Variants in MMP28 observed in about 807,000 individuals in gnomAD.
MMP28 encodes the protein matrix metalloproteinase-28.
Under a neutral mutation model 60.5 loss-of-function variants are expected in MMP28, and 55 were observed. The ratio of observed to expected loss-of-function variants is 0.91; its 90% CI spans 0.73 to 1.14. The LOEUF is 1.14. Among genes scored for constraint, MMP28 ranks in the 50% most tolerant of loss-of-function variants. The pLI is 0.00. For missense variants in MMP28, 686 were observed against 738.3 expected, an observed-to-expected ratio of 0.93 and a Z score of 0.82; for synonymous variants, 318 against 312.5, an observed-to-expected ratio of 1.02 and a Z score of -0.18.
At chr17:35,784,970 G>C (rs923977029) in intron 1 of MMP28, among the ~76,000 whole-genome samples, 2 of 152,200 alleles carry the variant, frequency 1.3e-5, no homozygotes, top group African/African-American at 2.4e-5. Context: ...CCCCTTAGGT[G>C]ACTCACCCTA....
At chr17:35,768,767 G>A (rs903247986) in intron 5 of MMP28, among the ~76,000 whole-genome samples, 2 of 152,154 alleles carry the variant, frequency 1.3e-5, no homozygotes, top group African/African-American at 4.8e-5. Flanking sequence ...CTGAGATCAT[G>A]CCACTGCACG....
chr17:35,762,896 C>T (rs754921751), downstream of MMP28, among the ~76,000 whole-genome samples: 16 of 151,938 alleles, frequency 1.1e-4, no homozygotes, highest in Non-Finnish European at 2.2e-4. Flanking sequence ...GAGGCCGAGG[C>T]GGGCAGATCA....
In MMP28 at chr17:35,766,535, AG is replaced by A. The variant is rs1423283977; in HGVS notation, c.1527del (p.Cys510AlafsTer42). On this transcript the variant is annotated frameshift_variant, in exon 8 of 8. Coordinates refer to ENST00000605424, the MANE Select transcript of MMP28 (RefSeq NM_024302.5). LOFTEE classifies it high-confidence loss of function. This position sits in a 1 kb window ranked among gnomAD's most constrained non-coding sequence, Gnocchi z 4.3. ...GRWATELPWM[G>X]CWHANSGSAL... ...GCGCTCCCCGAGTTGGCATGCCAGC[AG>A]CCCATCCAGGGCAGCTCGGTGGCCC... 2 of 1,602,832 alleles carry A rather than the reference AG, an allele frequency of 1.2e-6. No homozygotes were observed. The highest frequency in any genetic ancestry group is 1.7e-6 in the Non-Finnish European group (2 of 1,174,130).
chr17:35,781,895 A>C (rs1555609477), intron 1 of MMP28, among the ~76,000 whole-genome samples: 1 of 151,158 alleles, frequency 6.6e-6, no homozygotes, highest in African/African-American at 2.4e-5. Flanking sequence ...GGGTCTCACT[A>C]TGTTGCCCTG....
chr17:35,780,696 G>A (rs1270844520), intron 1 of MMP28, among the ~76,000 whole-genome samples: 1 of 151,996 alleles, frequency 6.6e-6, no homozygotes, highest in African/African-American at 2.4e-5. Context: ...TTAGCTGGGC[G>A]TGGTGGTGGG....
intron 3 of MMP28, among the ~76,000 whole-genome samples, chr17:35,775,853 G>A (rs1555607503): frequency 3.3e-5 from 5 of 152,174 alleles, no homozygotes; most frequent in African/African-American, 1.2e-4. Flanking sequence ...GCAGGTACCT[G>A]CAATGAGGTT....
intron 2 of MMP28, chr17:35,760,837 T>C: frequency 7.2e-7 from 1 of 1,388,568 alleles, no homozygotes. Context: ...CCACCCCTTG[T>C]GACCTAATAG....
At chr17:35,794,150 A>C (rs2086895130) in intron 1 of MMP28, among the ~76,000 whole-genome samples, 2 of 152,154 alleles carry the variant, frequency 1.3e-5, no homozygotes, top group South Asian at 4.1e-4. Context: ...AAAATAGTGG[A>C]GACCCTGGCC....
intron 2 of MMP28, among the ~76,000 whole-genome samples, chr17:35,756,763 C>T (rs587620282): frequency 2.6e-5 from 4 of 152,080 alleles, no homozygotes; most frequent in South Asian, 4.2e-4. Context: ...CCACTGCGCC[C>T]GGCCTATCTT....
downstream of MMP28, chr17:35,764,519 C>A (rs2085896225): frequency 6.3e-7 from 1 of 1,598,120 alleles, no homozygotes; most frequent in Non-Finnish European, 8.5e-7. Flanking sequence ...TCCTCTTCTG[C>A]AAGAAATGCA....
chr17:35,761,197 G>A (rs985603094), downstream of MMP28, among the ~76,000 whole-genome samples: 6 of 145,918 alleles, frequency 4.1e-5, no homozygotes, highest in South Asian at 2.2e-4. Flanking sequence ...TCTGCCTCCC[G>A]GGTTCAAGTG....
chr17:35,773,511 C>G, intron 3 of MMP28, 107 bp from the exon 4 acceptor site: 1 of 994,024 alleles, frequency 1.0e-6, no homozygotes, highest in Non-Finnish European at 1.5e-6. Context: ...AGCAGCCCCT[C>G]GTCTGACGGG....
At chr17:35,765,457 G>T (rs185749897), downstream of MMP28, among the ~76,000 whole-genome samples, 2 of 152,330 alleles carry the variant, frequency 1.3e-5, no homozygotes, top group African/African-American at 4.8e-5. Flanking sequence ...CTGGGGAGCT[G>T]GTTCCTTCTC....
chr17:35,767,986 C>A, intron 6 of MMP28, 67 bp from the exon 7 acceptor site: 2 of 1,509,890 alleles, frequency 1.3e-6, no homozygotes, highest in Non-Finnish European at 1.8e-6. Flanking sequence ...AGGAAAGATG[C>A]TGTCCTGGAA....
Position 35,779,033 on chromosome 17 carries a change from C to T in MMP28, c.234G>A (p.Leu78=). The T allele has an allele frequency of 6.2e-7, 1 of 1,614,060 alleles. No individual in the cohort carries two copies. Among genetic ancestry groups the T allele is most frequent in the Non-Finnish European group, 8.5e-7 (1 of 1,179,912 alleles). The part of the protein sequence containing the change: ...WVSQLPVSGV[L]DRATLRQMTR... ...TCATCTGGCGCAGGGTGGCGCGGTC[C>T]AACACGCCGCTGACAGGTAGCTGGG... Residue 78 remains leucine, a synonymous_variant, in exon 3 of 8, where the codon TTG becomes TTA. Coordinates refer to ENST00000605424, the MANE Select transcript of MMP28 (RefSeq NM_024302.5).
chr17:35,764,105 G>A (rs1555602123), downstream of MMP28: 21 of 1,550,316 alleles, frequency 1.4e-5, no homozygotes, highest in Non-Finnish European at 1.8e-5. Context: ...CGAGGACGAG[G>A]ACAACCAGAG....
Position 35,766,714 on chromosome 17 carries a change from G to A in MMP28, c.1349C>T (p.Pro450Leu), listed in dbSNP as rs758996305. The A allele has an allele frequency of 6.2e-7, 1 of 1,602,532 alleles. No individual in the cohort carries two copies. Among genetic ancestry groups the A allele is most frequent in the South Asian group, 1.1e-5 (1 of 89,346 alleles). ...VLARGGLQVE[P>L]YYPRSLQDWG... is the part of the protein sequence containing the mutation. ...GTCCTGCAGACTTCGGGGGTAGTAG[G>A]GCTCCACTTGCAGTCCCCCTCGGGC... Residue 450 changes from proline (P) to leucine (L), a missense_variant, in exon 8 of 8, where the codon CCC becomes CTC. Transcript: ENST00000605424. This position sits in a 1 kb window ranked among gnomAD's most constrained non-coding sequence, Gnocchi z 4.3.
At chr17:35,768,168 C>G (rs554205280) in intron 6 of MMP28, 62 bp downstream of exon 6, 155 of 1,531,252 alleles carry the variant, frequency 1.0e-4, no homozygotes, top group African/African-American at 1.4e-5. Flanking sequence ...TACTGCAGCT[C>G]TGGAGACACT....
intron 1 of MMP28, 65 bp downstream of exon 1, chr17:35,795,202 T>G (rs566901639): frequency 1.1e-5 from 13 of 1,155,024 alleles, no homozygotes; most frequent in Admixed American, 3.8e-5. Flanking sequence ...CCGGGTGGCC[T>G]GACTGCCGAG....
Sources: allele counts gnomAD v4.1 joint callset (sites outside exome capture counted in the v4.1 genomes callset), GRCh38; gene constraint gnomAD v4.1.1; non-coding constraint Gnocchi (gnomAD v3.1); transcripts MANE v1.5; gene names NCBI Gene and HGNC (gene_info 2026-07-23, HGNC 2026-07-21).